MYO1D: variants seen among roughly 807,000 people sequenced by gnomAD.
MYO1D encodes the protein unconventional myosin-Id.
A neutral mutation model predicts 122.0 loss-of-function variants in MYO1D; 83 were observed. The observed-to-expected ratio is 0.68, with a 90% confidence interval of 0.57 to 0.82. The LOEUF is 0.82. Among genes scored for constraint, MYO1D ranks in the 40% least tolerant of loss-of-function variants. MYO1D has a pLI of 0.00. For missense variants in MYO1D, 1,157 were observed against 1,269.5 expected (o/e 0.91, Z 1.35); for synonymous variants, 464 against 446.9 (o/e 1.04, Z -0.48).
At chr17:32,665,329 C>T (rs1268255409) in intron 16 of MYO1D, among the ~76,000 whole-genome samples, 2 of 152,102 alleles carry the variant, frequency 1.3e-5, no homozygotes, top group African/African-American at 4.8e-5. Context: ...TTTATGCTCT[C>T]TCCCACTAGA....
intron 15 of MYO1D, 122 bp from the exon 16 acceptor site, chr17:32,712,317 T>C: frequency 1.2e-6 from 1 of 852,010 alleles, no homozygotes; most frequent in South Asian, 1.7e-5. Flanking sequence ...ATCAATAGAA[T>C]TTCATTAGCC....
intron 20 of MYO1D, among the ~76,000 whole-genome samples, chr17:32,623,600 CTT>C (rs943479884): frequency 3.3e-5 from 5 of 152,198 alleles, no homozygotes; most frequent in African/African-American, 1.2e-4. Context: ...TGGTCAATGA[CTT>C]AAAGAAAATT....
At chr17:32,795,805 C>T (rs1266197204) in intron 1 of MYO1D, among the ~76,000 whole-genome samples, 1 of 151,538 alleles carries the variant, frequency 6.6e-6, no homozygotes, top group Non-Finnish European at 1.5e-5. Flanking sequence ...CATCCGGGTA[C>T]AACATAGCAG....
chr17:32,847,483 G>T (rs535036393), intron 1 of MYO1D, among the ~76,000 whole-genome samples: 12 of 152,228 alleles, frequency 7.9e-5, no homozygotes, highest in South Asian at 6.2e-4. Context: ...TGTCTCATCA[G>T]GGACTCACAA....
chr17:32,778,377 G>C, intron 3 of MYO1D, 103 bp downstream of exon 3: 1 of 1,074,014 alleles, frequency 9.3e-7, no homozygotes, highest in South Asian at 1.4e-5. Flanking sequence ...CAGCCCATAG[G>C]TTTAGACCCC....
At chr17:32,776,158 C>T (rs916625860) in intron 3 of MYO1D, 129 bp from the exon 4 acceptor site, 2 of 606,498 alleles carry the variant, frequency 3.3e-6, no homozygotes, top group Admixed American at 4.0e-5. Context: ...TTTGCAATAT[C>T]AAAAAAAAAA....
chr17:32,530,543 G>A (rs550821071), intron 21 of MYO1D, among the ~76,000 whole-genome samples: 3 of 152,336 alleles, frequency 2.0e-5, no homozygotes, highest in Admixed American at 6.5e-5. Context: ...GCTCACGCCT[G>A]TAATCCCTGC....
intron 20 of MYO1D, among the ~76,000 whole-genome samples, chr17:32,623,166 T>A (rs1244004170): frequency 6.6e-6 from 1 of 152,208 alleles, no homozygotes; most frequent in Non-Finnish European, 1.5e-5. Context: ...GCCTGTCAAC[T>A]TTACTTGTTC....
At chr17:32,846,837 AT>A (rs2090941659) in intron 1 of MYO1D, among the ~76,000 whole-genome samples, 1 of 152,088 alleles carries the variant, frequency 6.6e-6, no homozygotes, top group Non-Finnish European at 1.5e-5. Context: ...AAATTTAAAA[AT>A]TAGCCAGGTG....
chr17:32,767,122 A>G (rs1358229331), intron 7 of MYO1D, among the ~76,000 whole-genome samples: 2 of 152,230 alleles, frequency 1.3e-5, no homozygotes, highest in Non-Finnish European at 2.9e-5. Context: ...AAAGAAATCT[A>G]ACACACAGTT....
intron 1 of MYO1D, among the ~76,000 whole-genome samples, chr17:32,814,902 CAT>C (rs900481878): frequency 6.6e-6 from 1 of 152,220 alleles, no homozygotes; most frequent in Admixed American, 6.5e-5. Flanking sequence ...ATCTTCAACA[CAT>C]GACTTCAAGT....
intron 8 of MYO1D, among the ~76,000 whole-genome samples, chr17:32,762,816 G>C (rs568509945): frequency 5.6e-4 from 83 of 149,414 alleles, no homozygotes; most frequent in African/African-American, 2.0e-3. Context: ...GGAGGTTGCA[G>C]TGAGCTGAGA....
At chr17:32,659,406 T>C in intron 16 of MYO1D, 68 bp from the exon 17 acceptor site, 13 of 1,482,452 alleles carry the variant, frequency 8.8e-6, no homozygotes, top group South Asian at 1.1e-5. Flanking sequence ...TTTGATATTA[T>C]AGCAGCTCCT....
At chr17:32,825,976 G>C (rs1270059850) in intron 1 of MYO1D, among the ~76,000 whole-genome samples, 2 of 150,536 alleles carry the variant, frequency 1.3e-5, no homozygotes, top group African/African-American at 4.9e-5. Flanking sequence ...CTCAGCCCAG[G>C]AGTTTGAGCT....
At chr17:32,714,534 A>G (rs536903124) in intron 15 of MYO1D, among the ~76,000 whole-genome samples, 31 of 152,174 alleles carry the variant, frequency 2.0e-4, no homozygotes, top group Non-Finnish European at 4.0e-4. Context: ...TGCAATGAAC[A>G]TACCTGTGCA....
intron 15 of MYO1D, among the ~76,000 whole-genome samples, chr17:32,719,351 CT>C (rs371411083): frequency 3.4e-3 from 463 of 137,124 alleles, no homozygotes; most frequent in Non-Finnish European, 4.6e-3. Flanking sequence ...TCTCCTTGCC[CT>C]TTTTTTTTTT....
At chr17:32,654,095 T>C in intron 18 of MYO1D, 148 bp from the exon 19 acceptor site, 1 of 635,992 alleles carries the variant, frequency 1.6e-6, no homozygotes, top group South Asian at 2.3e-5. Context: ...AGCTACTAAA[T>C]GGTTGTTGTA....
intron 21 of MYO1D, chr17:32,505,598 CAGA>C (rs1567869623): frequency 1.3e-5 from 2 of 152,158 alleles, no homozygotes; most frequent in Non-Finnish European, 2.9e-5. Flanking sequence ...AACAGGACAC[CAGA>C]AGAAGTCTGC....
At chr17:32,808,132 G>A (rs1275734319) in intron 1 of MYO1D, among the ~76,000 whole-genome samples, 1 of 152,132 alleles carries the variant, frequency 6.6e-6, no homozygotes, top group African/African-American at 2.4e-5. Context: ...TTGATGTTTT[G>A]GAAGGCCAAG....
Sources: gnomAD v4.1 joint callset for allele counts (sites outside exome capture counted in the v4.1 genomes callset) on GRCh38, gnomAD v4.1.1 for gene constraint, MANE v1.5 for transcripts, NCBI Gene and HGNC (gene_info 2026-07-23, HGNC 2026-07-21) for gene names.